The following RECQL variants were observed in gnomAD, a reference collection of about 807,000 sequenced individuals.
RECQL encodes RecQ like helicase.
In RECQL, 73 loss-of-function variants were observed where a neutral mutation model predicts 75.8. The ratio of observed to expected loss-of-function variants is 0.96; its 90% confidence interval spans 0.80 to 1.17. The LOEUF (loss-of-function observed/expected upper bound fraction) is 1.17. Ranked by LOEUF, RECQL falls within the 50% of genes most tolerant of loss-of-function variation. The probability of loss-of-function intolerance (pLI) is 0.00; values close to 1 mark genes in which losing one functional copy is unlikely to be tolerated. For missense variants in RECQL, 699 were observed against 772.1 expected, an observed-to-expected ratio of 0.91 and a Z score of 1.12; for synonymous variants, 248 against 254.4, an observed-to-expected ratio of 0.97 and a Z score of 0.24.
At chr12:21,471,242 TAAAGAAA>T in intron 13 of RECQL, 144 bp from the exon 14 acceptor site, 1 of 1,032,540 alleles carries the variant, frequency 9.7e-7, no homozygotes, top group Non-Finnish European at 1.4e-6. Flanking sequence ...ATAAAGCCTT[TAAAGAAA>T]ATATTTTCGT....
At chr12:21,479,855 C>G (rs551101393) in intron 6 of RECQL, among the ~76,000 whole-genome samples, 1 of 152,208 alleles carries the variant, frequency 6.6e-6, no homozygotes, top group African/African-American at 2.4e-5. Flanking sequence ...CATGAACCTA[C>G]AGGTCCTAGT....
Position 21,477,847 on chromosome 12 carries a change from AAC to A in RECQL, c.821_822del (p.Cys274PhefsTer8). ...DAQKILCIEKCFTFTASFNRP... is the reference protein window; with the variant it reads ...DAQKILCIEKXFTFTASFNRP... ...CTATTAAAAGAAGCTGTAAAAGTAA[AAC>A]ACTTTTCAATGCACAAAATTTTCTG... On this transcript the variant is annotated frameshift_variant, in exon 7 of 15. Transcript: ENST00000444129. LOFTEE classifies it high-confidence loss of function. 3 of 1,613,752 alleles carry A rather than the reference AAC, an allele frequency of 1.9e-6. No homozygotes were observed. Among genetic ancestry groups the A allele is most frequent in the Non-Finnish European group, 2.5e-6 (3 of 1,179,816 alleles).
Position 21,494,780 on chromosome 12 carries a change from C to T in RECQL, c.17-3064G>A, listed in dbSNP as rs140001989. On this transcript the variant is annotated intron_variant, in intron 2 of 14. Transcript: ENST00000444129. ...GTCATGAGCAGAGCGCCAGCATCAG[C>T]GGAGCTCTTCAGGGATGCTGGGGCT... is the stretch of plus-strand genomic sequence containing the variant. Among the ~76,000 whole-genome samples the T allele has an allele frequency of 3.6e-4, 55 of 152,240 alleles. 1 individual carries two copies. In the East Asian group the frequency reaches 7.7e-3, roughly 21 times the overall value.
chr12:21,478,297 G>A (rs531240059), intron 6 of RECQL, among the ~76,000 whole-genome samples: 1 of 152,230 alleles, frequency 6.6e-6, no homozygotes, highest in Admixed American at 6.5e-5. Flanking sequence ...ATCTTGGTAA[G>A]GGCGGCACTG....
chr12:21,489,437 G>T (rs988174666), intron 4 of RECQL, among the ~76,000 whole-genome samples: 1 of 152,182 alleles, frequency 6.6e-6, no homozygotes, highest in Non-Finnish European at 1.5e-5. Flanking sequence ...AGGATCTTTG[G>T]TCTCACATAA....
At chr12:21,497,200 G>A (rs929924580) in intron 2 of RECQL, among the ~76,000 whole-genome samples, 1 of 152,160 alleles carries the variant, frequency 6.6e-6, no homozygotes, top group Admixed American at 6.5e-5. Flanking sequence ...GTGCCAAAGT[G>A]AGCAGGTTCT....
In RECQL at chr12:21,491,557, T is replaced by C. The variant is rs1943413685; in HGVS notation, c.176A>G (p.Asn59Ser). 6 of 1,613,326 alleles carry C rather than the reference T, an allele frequency of 3.7e-6. No homozygotes were observed. Among genetic ancestry groups the C allele is most frequent in the Non-Finnish European group, 5.1e-6 (6 of 1,179,864 alleles). The change falls in exon 3 of 15, where the codon AAT (asparagine) becomes AGT (serine). Residue 59 changes from asparagine (N) to serine (S), a missense_variant. Asn to Ser is a conservative substitution (Grantham distance 46). Coordinates refer to ENST00000444129, the MANE Select transcript of RECQL (RefSeq NM_002907.4). ...CLEDSDAGASNEYDSSPAAWN... is the reference protein window; with the variant it reads ...CLEDSDAGASSEYDSSPAAWN... The stretch of plus-strand genomic sequence containing the variant: ...AGCGGCAGGTGAAGAATCATATTCA[T>C]TGCTTGCCCCGGCATCAGAATCCTC...
rs1313255846 is a variant in RECQL at position 21,469,918 on chromosome 12, A to C, written c.*276T>G. On this transcript the variant is annotated 3_prime_UTR_variant, in exon 15 of 15. Transcript: ENST00000444129. ...AAGTATATAAAGGCATAAAAAACTT[A>C]AGACGATTGTATGAACTTATTCTCA... 6 of 294,294 alleles carry C rather than the reference A, an allele frequency of 2.0e-5. No individual in the cohort carries two copies. The highest frequency in any genetic ancestry group is 9.6e-5 in the Admixed American group (2 of 20,846). The allele number at this position is 294,294 out of a possible 1,614,324, so 18.2% of individuals were successfully genotyped here. A position where few individuals can be genotyped will look rare whatever the true frequency, so the allele number is the denominator to read the frequency against.
At chr12:21,477,107 A>G in intron 7 of RECQL, 115 bp from the exon 8 acceptor site, 1 of 605,870 alleles carries the variant, frequency 1.7e-6, no homozygotes, top group Non-Finnish European at 2.7e-6. Flanking sequence ...TTTTCCTATT[A>G]CTCTTTCACT....
Position 21,471,471 on chromosome 12 carries a change from G to A in RECQL, c.1624C>T (p.Leu542=), listed in dbSNP as rs1178659874. 1 of 1,613,112 alleles carries A rather than the reference G, an allele frequency of 6.2e-7. No individual in the cohort carries two copies. The highest frequency in any genetic ancestry group is 8.5e-7 in the Non-Finnish European group (1 of 1,179,396). ...VVAPTLPRED[L]EKIIAHFLIQ... is the part of the protein sequence containing the mutation. Reference sequence around the variant, plus strand: ...AGAAAGTGTGCAATAATCTTCTCCAGATCTTCACGAGGAAGTGTGGGAGCC... The same window carrying A: ...AGAAAGTGTGCAATAATCTTCTCCAAATCTTCACGAGGAAGTGTGGGAGCC... The change falls in exon 13 of 15, where the codon CTG becomes TTG. Residue 542 remains leucine (L), a synonymous_variant. Coordinates refer to ENST00000444129, the MANE Select transcript of RECQL (RefSeq NM_002907.4).
intron 2 of RECQL, among the ~76,000 whole-genome samples, chr12:21,498,114 C>A (rs537121844): frequency 6.6e-6 from 1 of 152,322 alleles, no homozygotes; most frequent in South Asian, 2.1e-4. Context: ...TCATTTACAG[C>A]AAACAAAGCA....
chr12:21,481,780 G>T (rs967504498), intron 6 of RECQL, among the ~76,000 whole-genome samples: 1 of 152,138 alleles, frequency 6.6e-6, no homozygotes. Context: ...AAGAAGACAG[G>T]AAGAGCGAAG....
chr12:21,471,165 GAAAT>G (rs1942948784), intron 13 of RECQL, 67 bp from the exon 14 acceptor site: 14 of 1,429,538 alleles, frequency 9.8e-6, no homozygotes, highest in East Asian at 7.5e-5. Context: ...ATTTATAAAA[GAAAT>G]AACTATATGC....
intron 2 of RECQL, among the ~76,000 whole-genome samples, chr12:21,496,040 A>G (rs1369417577): frequency 6.6e-6 from 1 of 152,230 alleles, no homozygotes; most frequent in Non-Finnish European, 1.5e-5. Flanking sequence ...GAAGCCAGCA[A>G]AACTGCCTTT....
chr12:21,489,400 T>C (rs925865462), intron 4 of RECQL, among the ~76,000 whole-genome samples: 2 of 152,174 alleles, frequency 1.3e-5, no homozygotes, highest in Admixed American at 6.5e-5. Flanking sequence ...GTAATATCAG[T>C]AGCACTAGCG....
chr12:21,477,214 G>A (rs1943104089), intron 7 of RECQL, among the ~76,000 whole-genome samples: 1 of 152,002 alleles, frequency 6.6e-6, no homozygotes, highest in Non-Finnish European at 1.5e-5. Context: ...GCAAGCACAT[G>A]AGCAGTGAAT....
Position 21,489,127 on chromosome 12 carries a change from A to G in RECQL, c.394+1072T>C, listed in dbSNP as rs569641000. On this transcript the variant is annotated intron_variant, in intron 4 of 14. Coordinates refer to ENST00000444129, the MANE Select transcript of RECQL (RefSeq NM_002907.4). Reference sequence around the variant, plus strand: ...AATTCCCTATTAAAACCTTTATCCCAAAATTCTTATTGCAATTGCTTGCAA... The same window carrying G: ...AATTCCCTATTAAAACCTTTATCCCGAAATTCTTATTGCAATTGCTTGCAA... Among the ~76,000 whole-genome samples the G allele has an allele frequency of 3.9e-5, 6 of 152,358 alleles. No homozygotes were observed. In the South Asian group the frequency reaches 1.0e-3, roughly 26 times the overall value.
rs991252519 is a variant in RECQL at position 21,483,550 on chromosome 12, C to G, written c.526G>C (p.Glu176Gln). The G allele has an allele frequency of 6.3e-7, 1 of 1,576,684 alleles. No individual in the cohort carries two copies. The highest frequency in any genetic ancestry group is 1.4e-5 in the African/African-American group (1 of 72,090). The change falls in exon 6 of 15, where the codon GAA (glutamate) becomes CAA (glutamine). Residue 176 changes from glutamate (E) to glutamine (Q), a missense_variant. Coordinates refer to ENST00000444129, the MANE Select transcript of RECQL (RefSeq NM_002907.4). ...AACTCGGAGTTTTTATTTACCATTT[C>G]AGCATGAACCCATTTAACATGCTCC... The part of the protein sequence containing the change: ...SKEHVKWVHA[E>Q]MVNKNSELKL...
intron 12 of RECQL, among the ~76,000 whole-genome samples, chr12:21,472,326 G>A (rs1309873133): frequency 6.6e-6 from 1 of 151,892 alleles, no homozygotes; most frequent in Admixed American, 6.6e-5. Flanking sequence ...CCAGTTTCAT[G>A]CAAGAAACAA....
Sources: gnomAD v4.1 joint callset for allele counts (sites outside exome capture counted in the v4.1 genomes callset) on GRCh38, gnomAD v4.1.1 for gene constraint, MANE v1.5 for transcripts, NCBI Gene and HGNC (gene_info 2026-07-23, HGNC 2026-07-21) for gene names.